The following BAIAP3 variants were observed in gnomAD, a reference collection of about 807,000 sequenced individuals.
BAIAP3 encodes BAI1 associated protein 3.
BAIAP3 carries 180 observed loss-of-function variants against 149.7 expected under a neutral mutation model. The ratio of observed to expected loss-of-function variants is 1.20; its 90% confidence interval spans 1.07 to 1.36. BAIAP3 has a LOEUF of 1.36. BAIAP3 is among the 40% of genes most tolerant of loss of function. BAIAP3 has a pLI of 0.00. For missense variants in BAIAP3, 1,767 were observed against 1,563.4 expected (o/e 1.13, Z -2.20); for synonymous variants, 845 against 670.7 (o/e 1.26, Z -4.02).
Position 1,347,712 on chromosome 16 carries a change from G to A in BAIAP3, c.2916G>A (p.Glu972=). Residue 972 remains glutamate, a synonymous_variant, in exon 31 of 34, where the codon GAG becomes GAA. Transcript: ENST00000426824. ...CCGCCTTTCCGCAGAGGACCCTGGA[G>A]CAGAACCGGTTTGGACGCCTGAGCG... ...YLDKLKQRTL[E]QNRFGRLSVR... is the part of the protein sequence containing the mutation. 3 of 1,610,990 alleles carry A rather than the reference G, an allele frequency of 1.9e-6. No homozygotes were observed. The highest frequency in any genetic ancestry group is 1.3e-5 in the African/African-American group (1 of 75,030).
intron 1 of BAIAP3, among the ~76,000 whole-genome samples, chr16:1,335,499 AAGTGCTG>A (rs1426729590): frequency 6.6e-6 from 1 of 152,204 alleles, no homozygotes; most frequent in Non-Finnish European, 1.5e-5. Context: ...CCTGCCCCGT[AAGTGCTG>A]AGAGCCACCC....
rs2034602662 is a variant in BAIAP3, at chr16:1,349,430, G to C, written c.*948G>C. 2 of 1,613,608 alleles carry C rather than the reference G, an allele frequency of 1.2e-6. No individual in the cohort carries two copies. Among genetic ancestry groups the C allele is most frequent in the Non-Finnish European group, 1.7e-6 (2 of 1,179,862 alleles). On this transcript the variant is annotated 3_prime_UTR_variant, in exon 34 of 34. Transcript: ENST00000426824. ...CCCAGCCTCAAAAATATATGTGTCTGCAACCCTCAGTCTCTCTGCCGTTTC... is the reference window on the plus strand; with the variant it reads ...CCCAGCCTCAAAAATATATGTGTCTCCAACCCTCAGTCTCTCTGCCGTTTC...
rs529654268 is a variant in BAIAP3, at chr16:1,344,962, C to T, written c.1810-7C>T. ...TGCTGGAGGCCTGATCCTGCTGTCC[C>T]GGACAGGTGGCTGAGGAGGCGTGGG... On this transcript the variant is annotated splice_polypyrimidine_tract_variant and splice_region_variant and intron_variant, in intron 20 of 33. Coordinates refer to ENST00000426824, the MANE Select transcript of BAIAP3 (RefSeq NM_001199097.2). The T allele has an allele frequency of 5.6e-5, 91 of 1,613,298 alleles. 1 individual carries two copies. Among genetic ancestry groups the T allele is most frequent in the South Asian group, 2.3e-4 (21 of 91,056 alleles).
intron 15 of BAIAP3, 102 bp downstream of exon 15, chr16:1,343,615 G>A (rs1174436729): frequency 2.0e-6 from 3 of 1,492,074 alleles, no homozygotes; most frequent in Non-Finnish European, 2.7e-6. Context: ...TGCCCGCGTG[G>A]GGGTCAAAGA....
In BAIAP3 at chr16:1,347,887, C is replaced by T; in HGVS notation, c.3026-7C>T. ...GGGCAGGGGGGCTCACGACTGTGCTCCTGCAGGCTTAAGTGACCCCTTTGT... is the reference window on the plus strand; with the variant it reads ...GGGCAGGGGGGCTCACGACTGTGCTTCTGCAGGCTTAAGTGACCCCTTTGT... On this transcript the variant is annotated splice_polypyrimidine_tract_variant and splice_region_variant and intron_variant, in intron 31 of 33. Coordinates refer to ENST00000426824, the MANE Select transcript of BAIAP3 (RefSeq NM_001199097.2). 1 of 1,611,272 alleles carries T rather than the reference C, an allele frequency of 6.2e-7. No individual in the cohort carries two copies. Among genetic ancestry groups the T allele is most frequent in the Middle Eastern group, 1.7e-4 (1 of 6,060 alleles).
Position 1,343,034 on chromosome 16 carries a change from C to A in BAIAP3, c.1265+18C>A. 2.5e-6 allele frequency: 4 copies of A among 1,592,756 alleles called. No homozygotes were observed. In the East Asian group the frequency reaches 9.1e-5, roughly 36 times the overall value. On this transcript the variant is annotated intron_variant, in intron 14 of 33. Transcript: ENST00000426824. ...GCCGTGCTGTGAGTGGGTGGAGCTA[C>A]GAGTGGGCGGGGAATGTGGGCGGGC...
chr16:1,347,512 C>A, intron 29 of BAIAP3, 33 bp from the exon 30 acceptor site: 1 of 1,486,452 alleles, frequency 6.7e-7, no homozygotes, highest in Non-Finnish European at 8.9e-7. Context: ...CACCAGCACC[C>A]AGGGGCCCCT....
chr16:1,346,045 G>C lies in BAIAP3; in HGVS notation c.2268G>C (p.Gln756His), dbSNP rs760626097. The change falls in exon 24 of 34, where the codon CAG becomes CAC. Residue 756 changes from glutamine (Q) to histidine (H), a missense_variant. By Grantham distance (24) the Gln-to-His change is conservative. Transcript: ENST00000426824. ...TELLRKKVDT[Q>H]PGAAGEAVSE... ...TGCTTCGGAAGAAGGTGGACACTCAGCCAGGGGCGGCCGGTGAAGCAGTGA... is the reference window on the plus strand; with the variant it reads ...TGCTTCGGAAGAAGGTGGACACTCACCCAGGGGCGGCCGGTGAAGCAGTGA... 1.2e-6 allele frequency: 2 copies of C among 1,611,708 alleles called. No individual in the cohort carries two copies. Among genetic ancestry groups the C allele is most frequent in the Non-Finnish European group, 1.7e-6 (2 of 1,179,590 alleles).
rs147999458 is a variant in BAIAP3, at chr16:1,344,871, G to A, written c.1809+22G>A. On this transcript the variant is annotated intron_variant, in intron 20 of 33. Coordinates refer to ENST00000426824, the MANE Select transcript of BAIAP3 (RefSeq NM_001199097.2). Reference sequence around the variant, plus strand: ...TCTGGTGAGGAGGGTCCCTGACCCCGGGTGCCTGCCAGGCATGGGGAAGTG... The same window carrying A: ...TCTGGTGAGGAGGGTCCCTGACCCCAGGTGCCTGCCAGGCATGGGGAAGTG... The A allele has an allele frequency of 3.2e-3, 5,121 of 1,613,632 alleles. 7 individuals are homozygous for A. The highest frequency in any genetic ancestry group is 7.8e-3 in the East Asian group (351 of 44,886).
At position 1,347,804 on chromosome 16, in the gene BAIAP3, T is replaced by G. The variant is rs760202283; in HGVS notation, c.3008T>G (p.Leu1003Arg). Residue 1003 changes from leucine to arginine, a missense_variant, in exon 31 of 34, where the codon CTC becomes CGC. Leu to Arg is a moderately radical substitution (Grantham distance 102). Coordinates refer to ENST00000426824, the MANE Select transcript of BAIAP3 (RefSeq NM_001199097.2). ...AVEVLHAADL[L>R]PLDANGLSDP... ...GAGGTGCTGCACGCCGCGGACCTGC[T>G]CCCCCTGGACGCCAACGGTGAGTTG... is the stretch of plus-strand genomic sequence containing the variant. 1.9e-6 allele frequency: 3 copies of G among 1,604,602 alleles called. No homozygotes were observed. The South Asian group carries it at 3.3e-5, about 18-fold the overall frequency.
Position 1,342,302 on chromosome 16 carries a change from G to C in BAIAP3, c.957+19G>C, listed in dbSNP as rs747336038. The C allele has an allele frequency of 1.2e-6, 2 of 1,608,552 alleles. No homozygotes were observed. Among genetic ancestry groups the C allele is most frequent in the Non-Finnish European group, 1.7e-6 (2 of 1,176,762 alleles). The stretch of plus-strand genomic sequence containing the variant: ...TGTCCGGGTGAGTGGGTGTGGGGTG[G>C]GGCTGGTGACACTTAGAGAAGGGCC... On this transcript the variant is annotated intron_variant, in intron 11 of 33. Coordinates refer to ENST00000426824, the MANE Select transcript of BAIAP3 (RefSeq NM_001199097.2).
chr16:1,340,714 C>T (rs1258244898), intron 5 of BAIAP3, among the ~76,000 whole-genome samples: 9 of 152,256 alleles, frequency 5.9e-5, no homozygotes, highest in Non-Finnish European at 7.3e-5. Context: ...CATGCACTTG[C>T]GTGGCCCTCA....
intron 5 of BAIAP3, among the ~76,000 whole-genome samples, chr16:1,340,709 A>G (rs959363237): frequency 6.6e-6 from 1 of 152,138 alleles, no homozygotes; most frequent in African/African-American, 2.4e-5. Flanking sequence ...CCACGCATGC[A>G]CTTGCGTGGC....
At chr16:1,347,427 C>T in intron 29 of BAIAP3, 58 bp downstream of exon 29, 1 of 1,599,206 alleles carries the variant, frequency 6.3e-7, no homozygotes, top group Non-Finnish European at 8.5e-7. Flanking sequence ...GTTCAAACTG[C>T]AGCCCCACAC....
At position 1,348,028 on chromosome 16, in the gene BAIAP3, T is replaced by TAAGCCC; in HGVS notation, c.3149+12_3149+17dup. ...CGAACTCTTCTACTTGTGAGTGTCCTAAGCCCCAGCCCCAGCCCCAGGCTC... is the reference window on the plus strand; with the variant it reads ...CGAACTCTTCTACTTGTGAGTGTCCTAAGCCCAAGCCCCAGCCCCAGCCCCAGGCTC... On this transcript the variant is annotated intron_variant, in intron 32 of 33. Transcript: ENST00000426824. 6 of 1,605,514 alleles carry TAAGCCC rather than the reference T, an allele frequency of 3.7e-6. No individual in the cohort carries two copies. The highest frequency in any genetic ancestry group is 5.1e-6 in the Non-Finnish European group (6 of 1,179,250).
chr16:1,341,421 C>A lies in BAIAP3; in HGVS notation c.663C>A (p.Ala221=). 6.2e-7 allele frequency: 1 copy of A among 1,612,698 alleles called. No homozygotes were observed. ...KGSKRGGPLP[A]KCIQVTEVKS... ...GCAAGCGCGGTGGACCCCTGCCTGCCAAGTGCATCCAGGTCACCGAGGTGA... is the reference window on the plus strand; with the variant it reads ...GCAAGCGCGGTGGACCCCTGCCTGCAAAGTGCATCCAGGTCACCGAGGTGA... The change falls in exon 8 of 34, where the codon GCC becomes GCA. Residue 221 remains alanine, a synonymous_variant. Coordinates refer to ENST00000426824, the MANE Select transcript of BAIAP3 (RefSeq NM_001199097.2).
At chr16:1,345,497 AC>A in intron 22 of BAIAP3, 125 bp downstream of exon 22, 2 of 973,726 alleles carry the variant, frequency 2.1e-6, no homozygotes, top group Non-Finnish European at 2.6e-6. Flanking sequence ...CTCCCCCTCA[AC>A]CCCAGCCTCC....
intron 5 of BAIAP3, among the ~76,000 whole-genome samples, chr16:1,340,478 AGGCTG>A: frequency 8.2e-6 from 1 of 121,714 alleles, no homozygotes; most frequent in Admixed American, 8.8e-5. Context: ...ACACGCACAC[AGGCTG>A]CAGGTGTACA....
chr16:1,346,831 T>C lies in BAIAP3; in HGVS notation c.2643-16T>C, dbSNP rs760321503. The stretch of plus-strand genomic sequence containing the variant: ...GCAGGTGGGGCTGGCCCGTGGTCAC[T>C]GATGCTGCCCTGCAGGGTGCTGGAG... On this transcript the variant is annotated splice_polypyrimidine_tract_variant and intron_variant, in intron 27 of 33. Transcript: ENST00000426824. The C allele has an allele frequency of 2.0e-5, 32 of 1,579,038 alleles. No individual in the cohort carries two copies. Among genetic ancestry groups the C allele is most frequent in the South Asian group, 3.4e-5 (3 of 87,290 alleles).
Sources: allele counts gnomAD v4.1 joint callset (sites outside exome capture counted in the v4.1 genomes callset), GRCh38; gene constraint gnomAD v4.1.1; transcripts MANE v1.5; gene names NCBI Gene and HGNC (gene_info 2026-07-23, HGNC 2026-07-21).